The following ARMH4 variants were observed in gnomAD, a reference collection of about 807,000 sequenced individuals.
The protein encoded by ARMH4 is armadillo like helical domain containing 4.
ARMH4 carries 49 observed loss-of-function variants against 61.9 expected under a neutral mutation model. The ratio of observed to expected loss-of-function variants is 0.79; its 90% CI spans 0.63 to 1.00. The LOEUF (loss-of-function observed/expected upper bound fraction) is 1.00, where lower values mean the gene tolerates loss of function less well. Among genes scored for constraint, ARMH4 ranks in the 50% least tolerant of loss-of-function variants. ARMH4 has a pLI of 0.00. For synonymous variants in ARMH4, 368 were observed against 341.5 expected (o/e 1.08, Z -0.85); for missense variants, 934 against 930.0 (o/e 1.00, Z -0.06).
At position 58,040,747 on chromosome 14, in the gene ARMH4, T is replaced by C. The variant is rs557320535; in HGVS notation, c.2090-28597A>G. Among the ~76,000 whole-genome samples, 56 of 152,266 alleles carry C rather than the reference T, an allele frequency of 3.7e-4. No individual in the cohort carries two copies. The South Asian group carries it at 8.3e-3, about 23-fold the overall frequency. On this transcript the variant is annotated intron_variant, in intron 5 of 7. Coordinates refer to ENST00000267485, the MANE Select transcript of ARMH4 (RefSeq NM_001001872.4). ...CCTGGAATATATTTTCCCACCAAGA[T>C]TTTGTCTGGTGCATTGTTTAGGTTC...
intron 1 of ARMH4, among the ~76,000 whole-genome samples, chr14:58,144,966 A>G (rs932780950): frequency 6.6e-6 from 1 of 152,244 alleles, no homozygotes; most frequent in African/African-American, 2.4e-5. Context: ...AAACTGACCT[A>G]CTAAATTCTA....
intron 4 of ARMH4, among the ~76,000 whole-genome samples, chr14:58,119,674 A>T (rs1203055995): frequency 6.6e-6 from 1 of 152,138 alleles, no homozygotes; most frequent in East Asian, 1.9e-4. Context: ...CAAAAACGAC[A>T]TGTATCTCTT....
chr14:58,046,222 G>C (rs1311632596), intron 5 of ARMH4, among the ~76,000 whole-genome samples: 2 of 152,154 alleles, frequency 1.3e-5, no homozygotes, highest in African/African-American at 4.8e-5. Flanking sequence ...CACAGGGCTT[G>C]ATTCCATCTA....
chr14:58,080,700 C>T (rs2141241859), intron 5 of ARMH4, among the ~76,000 whole-genome samples: 1 of 152,068 alleles, frequency 6.6e-6, no homozygotes, highest in East Asian at 1.9e-4. Flanking sequence ...TGTACATGTG[C>T]AGGTTTGTTA....
At chr14:58,109,378 G>C (rs1274125280) in intron 4 of ARMH4, among the ~76,000 whole-genome samples, 1 of 152,084 alleles carries the variant, frequency 6.6e-6, no homozygotes, top group African/African-American at 2.4e-5. Context: ...CTTTTTGTTT[G>C]TTTTAAATGC....
At chr14:58,018,110 T>A (rs993339505) in intron 5 of ARMH4, among the ~76,000 whole-genome samples, 1 of 152,150 alleles carries the variant, frequency 6.6e-6, no homozygotes, top group Non-Finnish European at 1.5e-5. Flanking sequence ...TCACACCATA[T>A]ACAAAAATCA....
chr14:58,015,563 TTAAG>T (rs1353159950), intron 5 of ARMH4, among the ~76,000 whole-genome samples: 3 of 152,140 alleles, frequency 2.0e-5, no homozygotes, highest in African/African-American at 7.2e-5. Context: ...AAATATTTAT[TTAAG>T]TGAGTTCACA....
intron 4 of ARMH4, among the ~76,000 whole-genome samples, chr14:58,105,246 C>T (rs533496222): frequency 6.6e-6 from 1 of 152,266 alleles, no homozygotes; most frequent in Admixed American, 6.5e-5. Context: ...AGAGTAATGC[C>T]TGAGTTTTGC....
At chr14:58,116,363 C>A in intron 4 of ARMH4, 1 of 363,102 alleles carries the variant, frequency 2.8e-6, no homozygotes, top group Non-Finnish European at 5.7e-6. Flanking sequence ...ATTCAATTTC[C>A]ATTTCAGGCA....
At position 58,074,274 on chromosome 14, in the gene ARMH4, G is replaced by C. The variant is rs146920978; in HGVS notation, c.2089+22450C>G. On this transcript the variant is annotated intron_variant, in intron 5 of 7. Coordinates refer to ENST00000267485, the MANE Select transcript of ARMH4 (RefSeq NM_001001872.4). ...GTTTTTCTATCTGTAACTAACTTAT[G>C]CTTGCAATTCATCTACCATTTGACA... 2.4e-3 allele frequency among the ~76,000 whole-genome samples: 366 copies of C among 152,168 alleles called. 1 individual carries two copies. Among genetic ancestry groups the C allele is most frequent in the African/African-American group, 8.5e-3 (353 of 41,530 alleles).
intron 5 of ARMH4, among the ~76,000 whole-genome samples, chr14:58,022,238 CTT>C (rs1882862594): frequency 6.6e-6 from 1 of 152,066 alleles, no homozygotes; most frequent in African/African-American, 2.4e-5. Context: ...CTCTCTCTCT[CTT>C]CCCCACCGCC....
intron 5 of ARMH4, among the ~76,000 whole-genome samples, chr14:58,068,964 C>A (rs1884792798): frequency 6.7e-6 from 1 of 149,840 alleles, no homozygotes; most frequent in African/African-American, 2.5e-5. Context: ...CAAGATCGCA[C>A]CACTGCACTC....
rs548195361 is a variant in ARMH4, at chr14:58,002,906, C to A, written c.*1830G>T. ...TTGATCAGTTTCACATATTTGCTTA[C>A]ATCTCTTGGCAAAAAGAGTTAAAAT... On this transcript the variant is annotated 3_prime_UTR_variant, in exon 8 of 8. Coordinates refer to ENST00000267485, the MANE Select transcript of ARMH4 (RefSeq NM_001001872.4). 1 of 152,190 alleles carries A rather than the reference C, an allele frequency of 6.6e-6. No individual in the cohort carries two copies. Among genetic ancestry groups the A allele is most frequent in the Non-Finnish European group, 1.5e-5 (1 of 68,038 alleles). The allele number at this position is 152,190 out of a possible 1,614,324, so 9.4% of individuals were successfully genotyped here. A position where few individuals can be genotyped will look rare whatever the true frequency, so the allele number is the denominator to read the frequency against.
chr14:58,086,444 T>A (rs1885382480), intron 5 of ARMH4, among the ~76,000 whole-genome samples: 1 of 152,152 alleles, frequency 6.6e-6, no homozygotes, highest in African/African-American at 2.4e-5. Context: ...GAGGTGAAGC[T>A]CTACCTGCCA....
intron 5 of ARMH4, among the ~76,000 whole-genome samples, chr14:58,079,723 C>T (rs969401006): frequency 1.3e-5 from 2 of 152,112 alleles, no homozygotes; most frequent in Admixed American, 6.6e-5. Flanking sequence ...ATTTTCCTCC[C>T]GTGAGCAAGA....
chr14:58,080,136 A>T lies in ARMH4; in HGVS notation c.2089+16588T>A, dbSNP rs567218662. Among the ~76,000 whole-genome samples the T allele has an allele frequency of 4.2e-4, 61 of 146,704 alleles. No individual in the cohort carries two copies. In the East Asian group the frequency reaches 0.01, roughly 25 times the overall value. ...ATTTATTTATATATATATATATAAA[A>T]TTTTTTTTTTGAGATGGAGTTTCGC... is the stretch of plus-strand genomic sequence containing the variant. On this transcript the variant is annotated intron_variant, in intron 5 of 7. Coordinates refer to ENST00000267485, the MANE Select transcript of ARMH4 (RefSeq NM_001001872.4).
intron 1 of ARMH4, among the ~76,000 whole-genome samples, chr14:58,148,400 G>C (rs1393452120): frequency 6.6e-6 from 1 of 152,138 alleles, no homozygotes; most frequent in Non-Finnish European, 1.5e-5. Context: ...CCCTACCCAG[G>C]TATCCAAACC....
intron 7 of ARMH4, 108 bp downstream of exon 7, chr14:58,004,940 C>G (rs1172114969): frequency 1.9e-6 from 3 of 1,551,276 alleles, no homozygotes; most frequent in Middle Eastern, 1.7e-4. Flanking sequence ...CCACTGGGCA[C>G]GTCAATACCA....
At chr14:58,106,028 T>C (rs373105505) in intron 4 of ARMH4, among the ~76,000 whole-genome samples, 3 of 152,228 alleles carry the variant, frequency 2.0e-5, no homozygotes, top group Non-Finnish European at 1.5e-5. Flanking sequence ...TAAGTAACCA[T>C]CTCTCTTGAC....
Sources: allele counts gnomAD v4.1 joint callset (sites outside exome capture counted in the v4.1 genomes callset), GRCh38; gene constraint gnomAD v4.1.1; transcripts MANE v1.5; gene names NCBI Gene and HGNC (gene_info 2026-07-23, HGNC 2026-07-21).